The following PKHD1L1 variants were observed in gnomAD, a reference collection of about 807,000 sequenced individuals.
PKHD1L1 encodes the protein PKHD1 like 1, also known as fibrocystin-L.
A neutral mutation model predicts 462.9 loss-of-function variants in PKHD1L1; 434 were observed. That is an observed-to-expected ratio of 0.94 (90% CI 0.87 to 1.02). PKHD1L1 has a LOEUF of 1.02. Ranked by LOEUF, PKHD1L1 falls within the 50% of genes least tolerant of loss-of-function variation. PKHD1L1 has a pLI of 0.00. For synonymous variants in PKHD1L1, 1,781 were observed against 1,750.0 expected, an observed-to-expected ratio of 1.02 and a Z score of -0.44; for missense variants, 5,202 against 5,096.1, an observed-to-expected ratio of 1.02 and a Z score of -0.63.
intron 11 of PKHD1L1, among the ~76,000 whole-genome samples, chr8:109,398,051 C>T (rs1041533765): frequency 5.3e-5 from 8 of 151,918 alleles, no homozygotes; most frequent in Non-Finnish European, 1.2e-4. Flanking sequence ...TAAGCCAGCA[C>T]TTTTTTCTAC....
In PKHD1L1 at chr8:109,534,419, C is replaced by T. The variant is rs948552557; in HGVS notation, c.*4329C>T. 1.3e-5 allele frequency among the ~76,000 whole-genome samples: 2 copies of T among 151,896 alleles called. No homozygotes were observed. The highest frequency in any genetic ancestry group is 1.9e-4 in the East Asian group (1 of 5,170). ...CGGAGCTTGCAGTGAGCTGAGATCT[C>T]GCCACTGCACTCCAGCCTGGGTGAC... On this transcript the variant is annotated 3_prime_UTR_variant, in exon 78 of 78. Transcript: ENST00000378402.
Position 109,364,645 on chromosome 8 carries a change from GC to G in PKHD1L1, c.163+10del. The G allele has an allele frequency of 1.2e-5, 14 of 1,201,086 alleles. No homozygotes were observed. The highest frequency in any genetic ancestry group is 3.7e-5 in the South Asian group (2 of 54,676). 74.4% of individuals were successfully genotyped at this position (1,201,086 alleles called of 1,614,324 possible). On this transcript the variant is annotated intron_variant, in intron 2 of 77. Transcript: ENST00000378402. ...GACTATAAGAGGGGAAGGTATCGTT[GC>G]TTTTTTTTTTTTTTTTTTGCCAAGG...
intron 46 of PKHD1L1, among the ~76,000 whole-genome samples, chr8:109,458,400 T>C (rs1816934902): frequency 7.9e-6 from 1 of 127,186 alleles, no homozygotes. Flanking sequence ...TCTGCATTAA[T>C]TTGTTCAATC....
chr8:109,377,889 G>T (rs963764666), intron 2 of PKHD1L1, among the ~76,000 whole-genome samples: 1 of 151,910 alleles, frequency 6.6e-6, no homozygotes, highest in African/African-American at 2.4e-5. Flanking sequence ...GGCATACAAG[G>T]CTTAATCTAT....
intron 46 of PKHD1L1, among the ~76,000 whole-genome samples, chr8:109,456,881 T>C (rs1020808515): frequency 3.9e-5 from 6 of 152,154 alleles, no homozygotes; most frequent in Non-Finnish European, 8.8e-5. Context: ...AAATCGTTAA[T>C]AATGAATAAA....
chr8:109,476,761 T>A, intron 52 of PKHD1L1, 94 bp downstream of exon 52: 2 of 1,083,466 alleles, frequency 1.8e-6, no homozygotes, highest in African/African-American at 1.6e-5. Flanking sequence ...GTGCAGTGCT[T>A]AATATATACA....
intron 50 of PKHD1L1, chr8:109,471,213 G>A: frequency 3.9e-6 from 3 of 774,498 alleles, no homozygotes; most frequent in Non-Finnish European, 5.8e-6. Flanking sequence ...TGAATCAGAT[G>A]GTGTCATTTA....
chr8:109,388,590 C>T (rs1332017298), intron 7 of PKHD1L1, 40 bp downstream of exon 7: 1 of 1,309,376 alleles, frequency 7.6e-7, no homozygotes, highest in Non-Finnish European at 1.1e-6. Flanking sequence ...AAACAAATAG[C>T]AGATATAAGC....
In PKHD1L1 at chr8:109,477,482, CTTT is replaced by C. The variant is rs1021241717; in HGVS notation, c.9089+87_9089+89del. Reference sequence around the variant, plus strand: ...GTCACTCCTGGGTGAAATAATAATGCTTTACTCTTGCACAATGTCTTGTAGGTT... The same window carrying C: ...GTCACTCCTGGGTGAAATAATAATGCACTCTTGCACAATGTCTTGTAGGTT... On this transcript the variant is annotated intron_variant, in intron 53 of 77. Transcript: ENST00000378402. 2.3e-4 allele frequency: 287 copies of C among 1,251,560 alleles called. 1 individual carries two copies. The African/African-American group carries it at 4.2e-3, about 18-fold the overall frequency. The allele number at this position is 1,251,560 out of a possible 1,614,324, so 77.5% of individuals were successfully genotyped here.
rs200483578 is a variant in PKHD1L1, at chr8:109,454,742, C to T, written c.6764C>T (p.Pro2255Leu). ...GVLQIGTETS[P>L]FQHKAVITLH... ...TTGCAGATTGGAACAGAGACATCCC[C>T]ATTCCAACACAAGGCTGTCATTACC... Residue 2255 changes from proline (P) to leucine (L), a missense_variant, in exon 45 of 78, where the codon CCA becomes CTA. Physicochemically the swap from Pro to Leu is moderately conservative, Grantham distance 98. This residue lies in a region of PKHD1L1 where 4,497 missense variants were observed against 4,336.8 expected (regional missense o/e 1.04). Coordinates refer to ENST00000378402, the MANE Select transcript of PKHD1L1 (RefSeq NM_177531.6). 221 of 1,613,768 alleles carry T rather than the reference C, an allele frequency of 1.4e-4. 1 individual carries two copies. In the African/African-American group the frequency reaches 2.7e-3, roughly 20 times the overall value.
chr8:109,475,847 C>CAAA (rs35419700), intron 51 of PKHD1L1, among the ~76,000 whole-genome samples: 3,915 of 95,042 alleles, frequency 0.041, 175 homozygotes, highest in African/African-American at 0.1. Flanking sequence ...GACTCCATCT[C>CAAA]AAAAAAAAAA....
rs932868355 is a variant in PKHD1L1, at chr8:109,530,202, T to G, written c.*112T>G. 4.0e-5 allele frequency: 22 copies of G among 549,588 alleles called. No individual in the cohort carries two copies. The highest frequency in any genetic ancestry group is 6.1e-5 in the Non-Finnish European group (22 of 359,168). 34.0% of individuals were successfully genotyped at this position (549,588 alleles called of 1,614,324 possible). ...TCATGAAAATATACTAAAAATATTT[T>G]TATGATATATAAAATGTACTAATTA... On this transcript the variant is annotated 3_prime_UTR_variant, in exon 78 of 78. Coordinates refer to ENST00000378402, the MANE Select transcript of PKHD1L1 (RefSeq NM_177531.6).
rs369381736 is a variant in PKHD1L1, at chr8:109,459,700, G to A, written c.7110G>A (p.Thr2370=). ...TAAATTACACACACTTAGGAATTAC[G>A]GTCACACTCCCTGATGGAACTCTGT... The part of the protein sequence containing the change: ...NPLNYTHLGI[T]VTLPDGTLFE... Residue 2370 remains threonine, a synonymous_variant, in exon 47 of 78, where the codon ACG becomes ACA. Coordinates refer to ENST00000378402, the MANE Select transcript of PKHD1L1 (RefSeq NM_177531.6). 1.1e-4 allele frequency: 184 copies of A among 1,611,496 alleles called. No homozygotes were observed. The South Asian group carries it at 1.9e-3, about 16-fold the overall frequency.
At chr8:109,374,432 G>A (rs1364174247) in intron 2 of PKHD1L1, among the ~76,000 whole-genome samples, 2 of 152,202 alleles carry the variant, frequency 1.3e-5, no homozygotes, top group Non-Finnish European at 2.9e-5. Context: ...ACAGCACACT[G>A]ATGGGTCTTG....
chr8:109,368,292 G>C (rs1811328854), intron 2 of PKHD1L1, among the ~76,000 whole-genome samples: 1 of 152,102 alleles, frequency 6.6e-6, no homozygotes, highest in Admixed American at 6.6e-5. Context: ...TTTTAATAAT[G>C]TCACAGAAAG....
chr8:109,515,169 G>T lies in PKHD1L1; in HGVS notation c.11554-1G>T. 1.9e-6 allele frequency: 3 copies of T among 1,567,010 alleles called. No individual in the cohort carries two copies. Among genetic ancestry groups the T allele is most frequent in the Admixed American group, 3.9e-5 (2 of 51,246 alleles). ...TCTTAAAACTTTTTTTTCTTTAATA[G>T]GCTGTTCTAGTAGGAATTTTCTTTT... is the stretch of plus-strand genomic sequence containing the variant. On this transcript the variant is annotated splice_acceptor_variant, in intron 71 of 77. Coordinates refer to ENST00000378402, the MANE Select transcript of PKHD1L1 (RefSeq NM_177531.6). LOFTEE classifies it high-confidence loss of function.
At chr8:109,385,818 G>T (rs147582197) in intron 6 of PKHD1L1, among the ~76,000 whole-genome samples, 188 bp downstream of exon 6, 7 of 151,728 alleles carry the variant, frequency 4.6e-5, no homozygotes, top group African/African-American at 1.5e-4. Flanking sequence ...AGCAATGGTC[G>T]ATATGTCATT....
chr8:109,432,817 A>C (rs570855962), intron 27 of PKHD1L1, among the ~76,000 whole-genome samples: 104 of 152,342 alleles, frequency 6.8e-4, no homozygotes, highest in African/African-American at 2.4e-3. Context: ...TTATGAGAAT[A>C]ATTTGTTTCT....
Position 109,454,838 on chromosome 8 carries a change from T to A in PKHD1L1, c.6860T>A (p.Ile2287Asn). 6.2e-7 allele frequency: 1 copy of A among 1,613,630 alleles called. No homozygotes were observed. Among genetic ancestry groups the A allele is most frequent in the Non-Finnish European group, 8.5e-7 (1 of 1,179,688 alleles). ...GAKTLAVREG[I>N]LDLHGVPVPV... is the part of the protein sequence containing the mutation. ...AAAACACTGGCTGTGCGGGAGGGAA[T>A]CCTGGATCTGCACGGTACTGTGGCC... Residue 2287 changes from isoleucine (I) to asparagine (N), a missense_variant, in exon 45 of 78, where the codon ATC becomes AAC. Coordinates refer to ENST00000378402, the MANE Select transcript of PKHD1L1 (RefSeq NM_177531.6).
Sources: allele counts gnomAD v4.1 joint callset (sites outside exome capture counted in the v4.1 genomes callset), GRCh38; gene constraint gnomAD v4.1.1; regional missense constraint gnomAD v4.1.1; transcripts MANE v1.5; gene names NCBI Gene and HGNC (gene_info 2026-07-23, HGNC 2026-07-21).